Variants in WWOX observed in about 807,000 individuals in gnomAD.
WWOX encodes the protein WW domain containing oxidoreductase.
A neutral mutation model predicts 46.2 loss-of-function variants in WWOX; 69 were observed. The observed-to-expected ratio is 1.49, with a 90% CI of 1.23 to 1.82. The LOEUF is 1.82. Ranked by LOEUF, WWOX falls within the 40% of genes most tolerant of loss-of-function variation. The probability of loss-of-function intolerance (pLI) is 0.00; values close to 1 mark genes in which losing one functional copy is unlikely to be tolerated. For missense variants in WWOX, 919 were observed against 542.6 expected, an observed-to-expected ratio of 1.69 and a Z score of -6.89; for synonymous variants, 359 against 202.6, an observed-to-expected ratio of 1.77 and a Z score of -6.56.
intron 5 of WWOX, among the ~76,000 whole-genome samples, chr16:78,255,997 T>C (rs1427777124): frequency 2.6e-5 from 4 of 150,962 alleles, no homozygotes; most frequent in African/African-American, 9.7e-5. Flanking sequence ...TAAAAATACA[T>C]AAATTAGTCG....
In WWOX at chr16:78,099,700, G is replaced by C; in HGVS notation, c.-79G>C. 2 of 1,467,734 alleles carry C rather than the reference G, an allele frequency of 1.4e-6. No individual in the cohort carries two copies. Among genetic ancestry groups the C allele is most frequent in the East Asian group, 2.6e-5 (1 of 38,032 alleles). 90.9% of individuals were successfully genotyped at this position (1,467,734 alleles called of 1,614,324 possible). Reference sequence around the variant, plus strand: ...TCGGGCCCCGACGCGCGCGGGTCTCGTTTGGAGCGGGAGTGAGTTCCTGAG... The same window carrying C: ...TCGGGCCCCGACGCGCGCGGGTCTCCTTTGGAGCGGGAGTGAGTTCCTGAG... On this transcript the variant is annotated 5_prime_UTR_variant, in exon 1 of 9. Coordinates refer to ENST00000566780, the MANE Select transcript of WWOX (RefSeq NM_016373.4).
At chr16:79,145,651 A>G (rs2050170947) in intron 8 of WWOX, among the ~76,000 whole-genome samples, 1 of 152,258 alleles carries the variant, frequency 6.6e-6, no homozygotes, top group Admixed American at 6.5e-5. Flanking sequence ...AAGTAATGGG[A>G]TGAAACCAAA....
chr16:78,698,037 T>A (rs1438357846), intron 8 of WWOX, among the ~76,000 whole-genome samples: 1 of 152,222 alleles, frequency 6.6e-6, no homozygotes, highest in Non-Finnish European at 1.5e-5. Flanking sequence ...TCAAAGGGCT[T>A]ATAAATTATA....
chr16:78,423,866 A>C (rs2083011318), intron 6 of WWOX, among the ~76,000 whole-genome samples: 1 of 151,494 alleles, frequency 6.6e-6, no homozygotes, highest in African/African-American at 2.4e-5. Flanking sequence ...AAAATTAAAT[A>C]TATACAAAAT....
chr16:78,782,876 A>C (rs1167596381), intron 8 of WWOX, among the ~76,000 whole-genome samples: 2 of 152,174 alleles, frequency 1.3e-5, no homozygotes, highest in Non-Finnish European at 2.9e-5. Flanking sequence ...TGATCCAAAA[A>C]TGTCTTCTCT....
chr16:78,548,805 T>G (rs1214379901), intron 8 of WWOX, among the ~76,000 whole-genome samples: 1 of 152,242 alleles, frequency 6.6e-6, no homozygotes. Flanking sequence ...ACGCCTTCAT[T>G]TCAATATTTG....
intron 8 of WWOX, chr16:78,899,649 G>C (rs1322852191): frequency 6.6e-6 from 1 of 152,138 alleles, no homozygotes; most frequent in East Asian, 1.9e-4. Flanking sequence ...ATGACTAGTT[G>C]GTGAGTTGAT....
At chr16:78,504,155 T>C (rs1005115171) in intron 8 of WWOX, among the ~76,000 whole-genome samples, 1 of 152,222 alleles carries the variant, frequency 6.6e-6, no homozygotes, top group African/African-American at 2.4e-5. Flanking sequence ...AAACTAGGCA[T>C]GGTTAATAAA....
chr16:78,931,828 C>G (rs910506877), intron 8 of WWOX, among the ~76,000 whole-genome samples: 3 of 152,172 alleles, frequency 2.0e-5, no homozygotes, highest in Non-Finnish European at 4.4e-5. Flanking sequence ...CTTTAGCTCC[C>G]ATAATCCCCA....
At chr16:78,276,632 A>T (rs540623979) in intron 5 of WWOX, among the ~76,000 whole-genome samples, 70 of 152,352 alleles carry the variant, frequency 4.6e-4, no homozygotes, top group African/African-American at 1.7e-3. Flanking sequence ...TTGGGATCGC[A>T]TGGAGAAAAT....
At chr16:79,182,573 T>C (rs2050933896) in intron 8 of WWOX, among the ~76,000 whole-genome samples, 1 of 152,112 alleles carries the variant, frequency 6.6e-6, no homozygotes, top group Non-Finnish European at 1.5e-5. Context: ...GGGTTATTTG[T>C]GCTTTTAAAG....
intron 8 of WWOX, among the ~76,000 whole-genome samples, chr16:79,156,818 C>G (rs1393950964): frequency 6.6e-6 from 1 of 151,946 alleles, no homozygotes; most frequent in Non-Finnish European, 1.5e-5. Flanking sequence ...AGTTTAAACA[C>G]TTGCTGAAAG....
intron 8 of WWOX, among the ~76,000 whole-genome samples, chr16:78,844,819 A>G (rs975600103): frequency 6.6e-6 from 1 of 152,160 alleles, no homozygotes; most frequent in African/African-American, 2.4e-5. Context: ...GCACAGTCTA[A>G]CAGTGTCACC....
At chr16:79,079,399 A>C (rs781215829) in intron 8 of WWOX, among the ~76,000 whole-genome samples, 2 of 152,056 alleles carry the variant, frequency 1.3e-5, no homozygotes, top group Admixed American at 6.5e-5. Flanking sequence ...CCAGCCATCA[A>C]TCCGGTATCC....
chr16:78,189,148 C>T (rs1401106064), intron 5 of WWOX, among the ~76,000 whole-genome samples: 2 of 152,226 alleles, frequency 1.3e-5, no homozygotes, highest in African/African-American at 4.8e-5. Flanking sequence ...TGAGCCAAGC[C>T]AGAAACTGGA....
chr16:78,671,689 G>A (rs933581901), intron 8 of WWOX, among the ~76,000 whole-genome samples: 1 of 152,180 alleles, frequency 6.6e-6, no homozygotes, highest in Non-Finnish European at 1.5e-5. Context: ...ATTTGGCATA[G>A]TGCCTGATTC....
chr16:78,992,372 C>A (rs1482679394), intron 8 of WWOX, among the ~76,000 whole-genome samples: 1 of 152,082 alleles, frequency 6.6e-6, no homozygotes, highest in Non-Finnish European at 1.5e-5. Flanking sequence ...GAGGCTGAGG[C>A]AGGAGAATTG....
At chr16:78,802,684 G>C (rs1224192488) in intron 8 of WWOX, among the ~76,000 whole-genome samples, 1 of 151,766 alleles carries the variant, frequency 6.6e-6, no homozygotes, top group Non-Finnish European at 1.5e-5. Flanking sequence ...GAGAGGCCAA[G>C]GCAGGCAGAT....
At chr16:78,187,864 A>T (rs1597327742) in intron 5 of WWOX, among the ~76,000 whole-genome samples, 1 of 152,294 alleles carries the variant, frequency 6.6e-6, no homozygotes, top group Admixed American at 6.5e-5. Flanking sequence ...ATTTTAAAGG[A>T]GAAAGGTAGA....
Sources: gnomAD v4.1 joint callset for allele counts (sites outside exome capture counted in the v4.1 genomes callset) on GRCh38, gnomAD v4.1.1 for gene constraint, MANE v1.5 for transcripts, NCBI Gene and HGNC (gene_info 2026-07-23, HGNC 2026-07-21) for gene names.